Variants in UGGT1 observed in about 807,000 individuals in gnomAD.
The protein encoded by UGGT1 is UDP-glucose glycoprotein glucosyltransferase 1.
A neutral mutation model predicts 203.9 loss-of-function variants in UGGT1; 107 were observed. The ratio of observed to expected loss-of-function variants is 0.52; its 90% CI spans 0.45 to 0.62. The LOEUF (loss-of-function observed/expected upper bound fraction) is 0.62. Among genes scored for constraint, UGGT1 ranks in the 20% least tolerant of loss-of-function variants. The probability of loss-of-function intolerance (pLI) is 0.00; values close to 1 mark genes in which losing one functional copy is unlikely to be tolerated. For synonymous variants in UGGT1, 628 were observed against 653.5 expected, an observed-to-expected ratio of 0.96 and a Z score of 0.59; for missense variants, 1,673 against 1,867.2, an observed-to-expected ratio of 0.90 and a Z score of 1.92.
chr2:128,110,285 C>T (rs1687787108), intron 5 of UGGT1, among the ~76,000 whole-genome samples: 1 of 152,172 alleles, frequency 6.6e-6, no homozygotes, highest in South Asian at 2.1e-4. Flanking sequence ...GCAGCAAGCC[C>T]TCTGTACCTC....
At chr2:128,131,668 G>A (rs1002578293) in intron 13 of UGGT1, among the ~76,000 whole-genome samples, 1 of 151,786 alleles carries the variant, frequency 6.6e-6, no homozygotes. Flanking sequence ...TCGCTCTCTT[G>A]CCAGGCTGAA....
chr2:128,141,378 G>A (rs1689416070), intron 16 of UGGT1, among the ~76,000 whole-genome samples: 1 of 152,010 alleles, frequency 6.6e-6, no homozygotes, highest in South Asian at 2.1e-4. Flanking sequence ...GGTGGATCAC[G>A]AGATCAGGAG....
chr2:128,171,116 T>C, intron 27 of UGGT1, 89 bp from the exon 28 acceptor site: 1 of 1,224,844 alleles, frequency 8.2e-7, no homozygotes, highest in Non-Finnish European at 1.1e-6. Context: ...TCTTTATATC[T>C]TTTCTTGAGA....
intron 31 of UGGT1, among the ~76,000 whole-genome samples, chr2:128,175,844 T>C (rs560669705): frequency 2.6e-5 from 4 of 152,358 alleles, no homozygotes; most frequent in African/African-American, 9.6e-5. Flanking sequence ...TACTCTCTGC[T>C]AGATGACAGC....
chr2:128,101,426 T>C (rs1687368481), intron 2 of UGGT1, among the ~76,000 whole-genome samples: 1 of 152,226 alleles, frequency 6.6e-6, no homozygotes. Context: ...GCTTTGTGAT[T>C]GTCTATGAAG....
intron 17 of UGGT1, among the ~76,000 whole-genome samples, chr2:128,144,908 A>G (rs1354053253): frequency 6.6e-6 from 1 of 152,368 alleles, no homozygotes; most frequent in South Asian, 2.1e-4. Flanking sequence ...AAAGTTGCCC[A>G]CTTTACATCT....
chr2:128,175,182 A>G (rs1028819612), intron 31 of UGGT1, among the ~76,000 whole-genome samples: 2 of 152,170 alleles, frequency 1.3e-5, no homozygotes, highest in Non-Finnish European at 2.9e-5. Flanking sequence ...GAAAGGAGAA[A>G]AGAAAGAAAG....
intron 28 of UGGT1, among the ~76,000 whole-genome samples, chr2:128,171,939 CA>C (rs1180167319): frequency 2.0e-5 from 3 of 152,162 alleles, no homozygotes; most frequent in African/African-American, 7.2e-5. Context: ...ATACAGAAAG[CA>C]GTTAGCGTTG....
Position 128,123,325 on chromosome 2 carries a change from T to G in UGGT1, c.1134+79T>G, listed in dbSNP as rs4480941. ...GGAAATCTGAGTTTAATCAGCAGCA[T>G]TTAACAGTGTCACTCTTCTTTTATC... is the stretch of plus-strand genomic sequence containing the variant. On this transcript the variant is annotated intron_variant, in intron 11 of 40. Coordinates refer to ENST00000259253, the MANE Select transcript of UGGT1 (RefSeq NM_020120.4). 49 of 1,209,970 alleles carry G rather than the reference T, an allele frequency of 4.0e-5. No individual in the cohort carries two copies. In the African/African-American group the frequency reaches 6.9e-4, roughly 17 times the overall value. 75.0% of individuals were successfully genotyped at this position (1,209,970 alleles called of 1,614,324 possible). A position where few individuals can be genotyped will look rare whatever the true frequency, so the allele number is the denominator to read the frequency against.
Position 128,134,866 on chromosome 2 carries a change from T to C in UGGT1, c.1498-10T>C. On this transcript the variant is annotated splice_polypyrimidine_tract_variant and intron_variant, in intron 14 of 40. Coordinates refer to ENST00000259253, the MANE Select transcript of UGGT1 (RefSeq NM_020120.4). ...GTCATTTCATGTGTTCTTTTCCCTT[T>C]CTTCAACAGGTTTTCATAGTTGATC... 1 of 1,612,430 alleles carries C rather than the reference T, an allele frequency of 6.2e-7. No homozygotes were observed. Among genetic ancestry groups the C allele is most frequent in the Admixed American group, 1.7e-5 (1 of 60,026 alleles).
chr2:128,099,099 T>G (rs1381356653), intron 2 of UGGT1, among the ~76,000 whole-genome samples: 1 of 152,194 alleles, frequency 6.6e-6, no homozygotes, highest in Non-Finnish European at 1.5e-5. Flanking sequence ...ATCACTCCAA[T>G]CAGCCTTGTG....
At position 128,177,994 on chromosome 2, in the gene UGGT1, C is replaced by A; in HGVS notation, c.3713+74C>A. The A allele has an allele frequency of 2.4e-5, 31 of 1,300,070 alleles. 2 individuals are homozygous for A. The South Asian group carries it at 4.5e-4, about 19-fold the overall frequency. The allele number at this position is 1,300,070 out of a possible 1,614,324, so 80.5% of individuals were successfully genotyped here. On this transcript the variant is annotated intron_variant, in intron 33 of 40. Transcript: ENST00000259253. ...AAGCACCATCCATCCCTCCTTTTTG[C>A]ATCTTGTGATTCTGTCTGGGCCTTT... is the stretch of plus-strand genomic sequence containing the variant.
chr2:128,132,976 GGAT>G (rs1441706632), intron 13 of UGGT1, among the ~76,000 whole-genome samples, 162 bp from the exon 14 acceptor site: 1 of 152,140 alleles, frequency 6.6e-6, no homozygotes, highest in Admixed American at 6.5e-5. Flanking sequence ...CAAAGTGCTA[GGAT>G]TACAGATGTG....
chr2:128,163,264 G>C (rs970232503), intron 25 of UGGT1, among the ~76,000 whole-genome samples: 1 of 147,886 alleles, frequency 6.8e-6, no homozygotes, highest in African/African-American at 2.5e-5. Flanking sequence ...TTATATATTT[G>C]CTGGGTTCAT....
chr2:128,132,439 T>G (rs1688924047), intron 13 of UGGT1, among the ~76,000 whole-genome samples: 2 of 151,992 alleles, frequency 1.3e-5, no homozygotes, highest in South Asian at 4.2e-4. Flanking sequence ...TTCCAGCTAC[T>G]CGGGGGGCTG....
At position 128,189,931 on chromosome 2, in the gene UGGT1, G is replaced by A. The variant is rs11542865; in HGVS notation, c.*189G>A. The stretch of plus-strand genomic sequence containing the variant: ...ACTGGATCTTTGGGATTAAAGCTCT[G>A]TTGGATTTGTACCTCAGAGGAAGAC... On this transcript the variant is annotated 3_prime_UTR_variant, in exon 41 of 41. Transcript: ENST00000259253. 0.43 allele frequency: 251,254 copies of A among 583,126 alleles called. 55,556 individuals carry two copies. Among genetic ancestry groups the A allele is most frequent in the South Asian group, 0.57 (22,118 of 38,902 alleles). 36.1% of individuals were successfully genotyped at this position (583,126 alleles called of 1,614,324 possible).
rs755068399 is a variant in UGGT1 at position 128,174,760 on chromosome 2, C to T, written c.3454-13C>T. 9 of 1,605,298 alleles carry T rather than the reference C, an allele frequency of 5.6e-6. No homozygotes were observed. The South Asian group carries it at 1.0e-4, about 18-fold the overall frequency. ...TTTGAAGAGAGCTAACTGGACTTTT[C>T]TTCTTGTCCTAGGGCTACTTTCAGC... On this transcript the variant is annotated splice_polypyrimidine_tract_variant and intron_variant, in intron 30 of 40. Transcript: ENST00000259253.
chr2:128,098,636 G>C (rs11683817), intron 2 of UGGT1, among the ~76,000 whole-genome samples: 135,294 of 151,878 alleles, frequency 0.89, 61,252 homozygotes, highest in Non-Finnish European at 0.98. Flanking sequence ...TATAGTCCCA[G>C]CTACTTGGGA....
chr2:128,186,102 A>AGG (rs1691969136), intron 38 of UGGT1, among the ~76,000 whole-genome samples: 3 of 152,302 alleles, frequency 2.0e-5, no homozygotes, highest in Admixed American at 2.0e-4. Context: ...GCCCTAATGA[A>AGG]GGGAGGGTTA....
Sources: allele counts gnomAD v4.1 joint callset (sites outside exome capture counted in the v4.1 genomes callset), GRCh38; gene constraint gnomAD v4.1.1; transcripts MANE v1.5; gene names NCBI Gene and HGNC (gene_info 2026-07-23, HGNC 2026-07-21).